Variants in REDIC1 observed in about 807,000 individuals in gnomAD.
REDIC1 encodes regulator of DNA class I crossover intermediates 1.
chr12:39,795,535 G>A, the REDIC1 span, among the ~76,000 whole-genome samples: 5 of 152,034 alleles, frequency 3.3e-5, no homozygotes, highest in African/African-American at 1.2e-4. Context: ...TACTCATGGT[G>A]CCTAGTTCCC....
At chr12:39,636,760 C>A in the REDIC1 span, among the ~76,000 whole-genome samples, 2 of 151,624 alleles carry the variant, frequency 1.3e-5, no homozygotes, top group African/African-American at 4.8e-5. Context: ...ACAAAAGAAG[C>A]AAAAAAGAAC....
At chr12:39,812,448 C>CTT in the REDIC1 span, among the ~76,000 whole-genome samples, 32 of 146,530 alleles carry the variant, frequency 2.2e-4, no homozygotes, top group African/African-American at 8.1e-4. Context: ...TCTTTCTTCT[C>CTT]TTTCTTTCTT....
chr12:39,750,749 A>T, the REDIC1 span, among the ~76,000 whole-genome samples: 1 of 152,304 alleles, frequency 6.6e-6, no homozygotes, highest in East Asian at 1.9e-4. Flanking sequence ...GCCCTCAGAA[A>T]TAATGCCACA....
chr12:39,713,288 A>ATATATGTGTACACACACATACGTG, the REDIC1 span, among the ~76,000 whole-genome samples: 1 of 29,818 alleles, frequency 3.4e-5, no homozygotes, highest in East Asian at 7.6e-4. Flanking sequence ...ACATACGTGT[A>ATATATGTGTACACACACATACGTG]TATATGTGTA....
the REDIC1 span, among the ~76,000 whole-genome samples, chr12:39,641,479 C>CAG: frequency 3.3e-5 from 5 of 150,858 alleles, no homozygotes; most frequent in East Asian, 1.9e-4. Flanking sequence ...AAATAGCAAA[C>CAG]AGAGAGAGAG....
the REDIC1 span, among the ~76,000 whole-genome samples, chr12:39,656,607 A>G: frequency 6.6e-6 from 1 of 152,214 alleles, no homozygotes; most frequent in East Asian, 1.9e-4. Flanking sequence ...AAACAGGCTC[A>G]GGCAGGGCCT....
the REDIC1 span, among the ~76,000 whole-genome samples, chr12:39,694,742 C>T: frequency 2.9e-5 from 2 of 70,054 alleles, no homozygotes; most frequent in African/African-American, 6.8e-5. Context: ...GGGGGTGGCA[C>T]GTGTTCTATT....
At chr12:39,664,892 T>G in the REDIC1 span, among the ~76,000 whole-genome samples, 1 of 152,266 alleles carries the variant, frequency 6.6e-6, no homozygotes, top group Non-Finnish European at 1.5e-5. Context: ...AAGTGTCTGT[T>G]CATATCCTTT....
the REDIC1 span, among the ~76,000 whole-genome samples, chr12:39,899,793 G>C: frequency 6.6e-6 from 1 of 152,096 alleles, no homozygotes; most frequent in Non-Finnish European, 1.5e-5. Flanking sequence ...GAGCAGTTTT[G>C]AGTGAGTTTC....
chr12:39,796,968 T>C, the REDIC1 span, among the ~76,000 whole-genome samples: 3 of 152,214 alleles, frequency 2.0e-5, no homozygotes, highest in African/African-American at 4.8e-5. Flanking sequence ...AATATCCTAT[T>C]AGAAAAATAA....
chr12:39,902,108 C>T, the REDIC1 span, among the ~76,000 whole-genome samples: 24 of 149,244 alleles, frequency 1.6e-4, no homozygotes, highest in African/African-American at 4.2e-4. Context: ...AACCAAACAC[C>T]GCATGTTCTC....
chr12:39,830,795 C>G, the REDIC1 span, among the ~76,000 whole-genome samples: 1 of 152,062 alleles, frequency 6.6e-6, no homozygotes, highest in Admixed American at 6.6e-5. Context: ...TTGGTGAAAT[C>G]TGTGCTTTCA....
chr12:39,633,793 G>C, the REDIC1 span, among the ~76,000 whole-genome samples: 1 of 152,078 alleles, frequency 6.6e-6, no homozygotes, highest in Non-Finnish European at 1.5e-5. Context: ...CCATCGTTAC[G>C]CAGTGTGTGA....
chr12:39,716,096 T>C, the REDIC1 span, among the ~76,000 whole-genome samples: 8 of 151,968 alleles, frequency 5.3e-5, no homozygotes, highest in African/African-American at 1.2e-4. Context: ...GCATGTGATC[T>C]GGTATGTGTT....
chr12:39,711,279 CATAT>C, the REDIC1 span, among the ~76,000 whole-genome samples: 13 of 148,062 alleles, frequency 8.8e-5, no homozygotes, highest in East Asian at 4.0e-4. Flanking sequence ...GTATATATCA[CATAT>C]ATAGTGTATA....
the REDIC1 span, among the ~76,000 whole-genome samples, chr12:39,894,818 G>A: frequency 6.6e-6 from 1 of 151,838 alleles, no homozygotes; most frequent in East Asian, 1.9e-4. Flanking sequence ...ATGCAAGAAA[G>A]ATAAAGAGAG....
chr12:39,871,650 C>A, the REDIC1 span: 1 of 637,556 alleles, frequency 1.6e-6, no homozygotes, highest in Non-Finnish European at 2.3e-6. Flanking sequence ...TTTTTTTTTT[C>A]TTTTTTGGTC....
chr12:39,770,083 T>G, the REDIC1 span, among the ~76,000 whole-genome samples: 1 of 152,196 alleles, frequency 6.6e-6, no homozygotes, highest in African/African-American at 2.4e-5. Flanking sequence ...CCTATATGTA[T>G]TCATTGCTTT....
the REDIC1 span, among the ~76,000 whole-genome samples, chr12:39,710,693 C>T: frequency 6.6e-6 from 1 of 151,652 alleles, no homozygotes; most frequent in African/African-American, 2.4e-5. Context: ...ACCTCTTTCC[C>T]TGGGGTTCAT....
Sources: gnomAD v4.1 joint callset for allele counts (sites outside exome capture counted in the v4.1 genomes callset) on GRCh38, gnomAD v4.1.1 for gene constraint, MANE v1.5 for transcripts, NCBI Gene and HGNC (gene_info 2026-07-23, HGNC 2026-07-21) for gene names.